CFAP74: variants seen among roughly 807,000 people sequenced by gnomAD.
CFAP74 encodes the protein cilia and flagella associated protein 74, also known as cilia- and flagella-associated protein 74.
A neutral mutation model predicts 188.9 loss-of-function variants in CFAP74; 124 were observed. That is an observed-to-expected ratio of 0.66 (90% CI 0.57 to 0.76). CFAP74 has a LOEUF of 0.76. Ranked by LOEUF, CFAP74 falls within the 30% of genes least tolerant of loss-of-function variation. CFAP74 has a pLI of 0.00. For missense variants in CFAP74, 2,198 were observed against 2,165.2 expected (o/e 1.02, Z -0.30); for synonymous variants, 956 against 916.7 (o/e 1.04, Z -0.77).
rs1343793209 is a variant in CFAP74 at position 1,938,926 on chromosome 1, G to A, written c.2940C>T (p.Phe980=). Residue 980 remains phenylalanine (F), a synonymous_variant, in exon 25 of 39, where the codon TTC becomes TTT. Coordinates refer to ENST00000682832, the MANE Select transcript of CFAP74 (RefSeq NM_001304360.2). The part of the protein sequence containing the change: ...GTILPLETLQ[F]CVIFQPTKAE... ...CCTTGGTGGGCTGGAAGATCACACA[G>A]AACTGCAGCGTTTCCAGGGGCAGGA... 4.6e-6 allele frequency: 7 copies of A among 1,536,172 alleles called. No individual in the cohort carries two copies. The South Asian group carries it at 8.3e-5, about 18-fold the overall frequency.
chr1:1,925,431 G>C (rs1047314340), intron 33 of CFAP74, among the ~76,000 whole-genome samples: 1 of 152,160 alleles, frequency 6.6e-6, no homozygotes, highest in East Asian at 1.9e-4. Flanking sequence ...CCTTGCCCCC[G>C]GTGGCTGAGC....
Position 1,966,465 on chromosome 1 carries a change from A to T in CFAP74, c.1307T>A (p.Leu436His), listed in dbSNP as rs752984029. ...GCTGGCCCCGGGGTCCCCCTGGATA[A>T]GCTCACTGGAAACGACTTCCAGCAA... is the stretch of plus-strand genomic sequence containing the variant. ...SRLLEVVSSELIQGDPGASSE... is the reference protein window; with the variant it reads ...SRLLEVVSSEHIQGDPGASSE... Residue 436 changes from leucine (L) to histidine (H), a missense_variant, in exon 12 of 39, where the codon CTT becomes CAT. Physicochemically the swap from Leu to His is moderately conservative, Grantham distance 99. Coordinates refer to ENST00000682832, the MANE Select transcript of CFAP74 (RefSeq NM_001304360.2). 2 of 1,604,862 alleles carry T rather than the reference A, an allele frequency of 1.2e-6. No homozygotes were observed. Among genetic ancestry groups the T allele is most frequent in the East Asian group, 4.5e-5 (2 of 44,192 alleles).
Position 1,922,395 on chromosome 1 carries a change from C to G in CFAP74, c.4819-7G>C, listed in dbSNP as rs1360810074. The G allele has an allele frequency of 1.2e-6, 2 of 1,603,550 alleles. No homozygotes were observed. The highest frequency in any genetic ancestry group is 1.7e-6 in the Non-Finnish European group (2 of 1,176,928). On this transcript the variant is annotated splice_region_variant and splice_polypyrimidine_tract_variant and intron_variant, in intron 38 of 38. Transcript: ENST00000682832. ...CCATGAGTGGGTGGTCTGGCTGGAACAGGAGGGGAGGGGAGAAGAGGCCTT... is the reference window on the plus strand; with the variant it reads ...CCATGAGTGGGTGGTCTGGCTGGAAGAGGAGGGGAGGGGAGAAGAGGCCTT...
intron 16 of CFAP74, among the ~76,000 whole-genome samples, chr1:1,958,876 G>C (rs1028443780): frequency 6.6e-6 from 1 of 152,206 alleles, no homozygotes; most frequent in Non-Finnish European, 1.5e-5. Context: ...GCTCCACACA[G>C]AGCAGGGTTT....
intron 6 of CFAP74, among the ~76,000 whole-genome samples, chr1:1,979,204 C>G (rs1352946135): frequency 2.4e-5 from 2 of 84,526 alleles, no homozygotes; most frequent in African/African-American, 4.7e-5. Flanking sequence ...CTGAGCTGGG[C>G]GTGGGAAGGC....
intron 21 of CFAP74, among the ~76,000 whole-genome samples, chr1:1,944,086 C>G (rs1370770301): frequency 1.3e-5 from 2 of 152,186 alleles, no homozygotes; most frequent in Non-Finnish European, 2.9e-5. Flanking sequence ...TCTGCTAAGC[C>G]CCCTGCTTGC....
At position 1,975,004 on chromosome 1, in the gene CFAP74, A is replaced by C. The variant is rs1240017659; in HGVS notation, c.501-806T>G. On this transcript the variant is annotated intron_variant, in intron 6 of 38. Transcript: ENST00000682832. This position sits in a 1 kb window ranked among gnomAD's most constrained non-coding sequence, Gnocchi z 4.5. ...ACGGTTCCACCCAGAGATGCGGCTC[A>C]GGCCGGGGCTGGCCACGCGAGGATC... 6.6e-6 allele frequency among the ~76,000 whole-genome samples: 1 copy of C among 152,242 alleles called. No individual in the cohort carries two copies. The highest frequency in any genetic ancestry group is 1.5e-5 in the Non-Finnish European group (1 of 68,038).
At chr1:1,983,095 C>G (rs1227213353) in intron 6 of CFAP74, among the ~76,000 whole-genome samples, 1 of 152,090 alleles carries the variant, frequency 6.6e-6, no homozygotes, top group Non-Finnish European at 1.5e-5. Flanking sequence ...GGATCATACC[C>G]GCAGGGACAC....
chr1:1,923,119 G>C lies in CFAP74; in HGVS notation c.4549C>G (p.Pro1517Ala). 6.2e-7 allele frequency: 1 copy of C among 1,609,348 alleles called. No individual in the cohort carries two copies. Among genetic ancestry groups the C allele is most frequent in the Non-Finnish European group, 8.5e-7 (1 of 1,178,776 alleles). ...ATGGGCCTCAGCTCCTCAGCTTCTG[G>C]AGAGAGAGGGCCTGGCCGGGAGCTG... ...EASSRPGPLS[P>A]EAEELRPILV... The change falls in exon 37 of 39, where the codon CCA becomes GCA. Residue 1517 changes from proline (P) to alanine (A), a missense_variant. By Grantham distance (27) the Pro-to-Ala change is conservative. Coordinates refer to ENST00000682832, the MANE Select transcript of CFAP74 (RefSeq NM_001304360.2). This position sits in a 1 kb window ranked among gnomAD's most constrained non-coding sequence, Gnocchi z 6.3.
At chr1:2,000,303 C>G (rs1206984573) in intron 1 of CFAP74, among the ~76,000 whole-genome samples, 1 of 152,260 alleles carries the variant, frequency 6.6e-6, no homozygotes, top group Non-Finnish European at 1.5e-5. Flanking sequence ...CAAAAGACGT[C>G]AACAGGCACT....
chr1:1,929,905 G>C (rs568208354), intron 26 of CFAP74, among the ~76,000 whole-genome samples, 155 bp downstream of exon 26: 1 of 152,096 alleles, frequency 6.6e-6, no homozygotes, highest in Non-Finnish European at 1.5e-5. Context: ...ATCCTTCCTC[G>C]GCCCTGCTCG....
In CFAP74 at chr1:1,979,741, C is replaced by T. The variant is rs539135027; in HGVS notation, c.501-5543G>A. On this transcript the variant is annotated intron_variant, in intron 6 of 38. Coordinates refer to ENST00000682832, the MANE Select transcript of CFAP74 (RefSeq NM_001304360.2). ...CTGAGCTGGGTGTGGGAAGGCGTCA[C>T]GTGACGAGGCTGTGCAGAACACGCG... Among the ~76,000 whole-genome samples, 7 of 121,976 alleles carry T rather than the reference C, an allele frequency of 5.7e-5. 1 individual carries two copies. The highest frequency in any genetic ancestry group is 1.8e-4 in the African/African-American group (6 of 33,066). The allele number at this position is 121,976 out of a possible 152,430, so 80.0% of individuals were successfully genotyped here.
chr1:1,923,616 C>T lies in CFAP74; in HGVS notation c.4390-117G>A. The T allele has an allele frequency of 1.7e-5, 26 of 1,528,420 alleles. No homozygotes were observed. The highest frequency in any genetic ancestry group is 2.3e-5 in the Non-Finnish European group (26 of 1,129,624). 94.7% of individuals were successfully genotyped at this position (1,528,420 alleles called of 1,614,324 possible). On this transcript the variant is annotated intron_variant, in intron 35 of 38. Coordinates refer to ENST00000682832, the MANE Select transcript of CFAP74 (RefSeq NM_001304360.2). The surrounding 1 kb of genome is among the most constrained non-coding windows in gnomAD (Gnocchi z 6.3). ...GGACGGCCTGGGGGCCCCGTGGGGCCCTGGACTCTGGTCTTTCCACTGACG... is the reference window on the plus strand; with the variant it reads ...GGACGGCCTGGGGGCCCCGTGGGGCTCTGGACTCTGGTCTTTCCACTGACG...
chr1:1,952,183 C>T (rs1654240789), intron 18 of CFAP74, among the ~76,000 whole-genome samples: 1 of 151,982 alleles, frequency 6.6e-6, no homozygotes, highest in Non-Finnish European at 1.5e-5. Context: ...AAACTCCTGA[C>T]CTCAGGTGAT....
rs950947460 is a variant in CFAP74, at chr1:1,973,474, G to T, written c.675-427C>A. Among the ~76,000 whole-genome samples, 6 of 152,072 alleles carry T rather than the reference G, an allele frequency of 3.9e-5. No individual in the cohort carries two copies. The highest frequency in any genetic ancestry group is 1.4e-4 in the African/African-American group (6 of 41,394). ...GGGAGGGGATGGAGGCCAGAAGGGGGTCCCGAGGAGAGAGGCTCACGGCAG... is the reference window on the plus strand; with the variant it reads ...GGGAGGGGATGGAGGCCAGAAGGGGTTCCCGAGGAGAGAGGCTCACGGCAG... On this transcript the variant is annotated intron_variant, in intron 7 of 38. Transcript: ENST00000682832. The surrounding 1 kb of genome is among the most constrained non-coding windows in gnomAD (Gnocchi z 6.2).
intron 13 of CFAP74, 127 bp downstream of exon 13, chr1:1,964,761 G>A: frequency 6.0e-6 from 6 of 999,018 alleles, no homozygotes; most frequent in Non-Finnish European, 8.9e-6. Flanking sequence ...TTGCACTCCA[G>A]CCTGGGCGAC....
chr1:1,956,720 G>A lies in CFAP74; in HGVS notation c.1916C>T (p.Thr639Ile), dbSNP rs1157408874. 1 of 1,613,958 alleles carries A rather than the reference G, an allele frequency of 6.2e-7. No individual in the cohort carries two copies. The highest frequency in any genetic ancestry group is 1.7e-5 in the Admixed American group (1 of 59,998). ...SYVVGETTSR[T>I]ITLTNVGGLG... The stretch of plus-strand genomic sequence containing the variant: ...GCCCCCAACGTTGGTCAGCGTGATG[G>A]TCCGAGACGTGGTCTCTCCTACCAC... The change falls in exon 17 of 39, where the codon ACC (threonine) becomes ATC (isoleucine). Residue 639 changes from threonine (T) to isoleucine (I), a missense_variant. Coordinates refer to ENST00000682832, the MANE Select transcript of CFAP74 (RefSeq NM_001304360.2).
chr1:1,947,170 T>A, intron 18 of CFAP74, 116 bp from the exon 19 acceptor site: 3 of 792,410 alleles, frequency 3.8e-6, no homozygotes, highest in Non-Finnish European at 6.2e-6. Context: ...CTGTTCTTTC[T>A]GAACATAGTG....
At chr1:1,927,531 A>C in intron 28 of CFAP74, 76 bp downstream of exon 28, 1 of 1,328,094 alleles carries the variant, frequency 7.5e-7, no homozygotes, top group East Asian at 2.5e-5. Context: ...TAGGGAGGGG[A>C]CTCTACAGGG....
Sources: gnomAD v4.1 joint callset for allele counts (sites outside exome capture counted in the v4.1 genomes callset) on GRCh38, gnomAD v4.1.1 for gene constraint, Gnocchi (gnomAD v3.1) non-coding constraint, MANE v1.5 for transcripts, NCBI Gene and HGNC (gene_info 2026-07-23, HGNC 2026-07-21) for gene names.